The following CDH13 variants were observed in gnomAD, a reference collection of about 807,000 sequenced individuals.
CDH13 encodes the protein cadherin-13.
A neutral mutation model predicts 63.8 loss-of-function variants in CDH13; 24 were observed. The observed-to-expected ratio is 0.38, with a 90% CI of 0.27 to 0.53. The LOEUF is 0.53. CDH13 is among the 20% of genes least tolerant of loss of function. The probability of loss-of-function intolerance (pLI) is 0.85; values close to 1 mark genes in which losing one functional copy is unlikely to be tolerated. For synonymous variants in CDH13, 503 were observed against 355.3 expected, an observed-to-expected ratio of 1.42 and a Z score of -4.67; for missense variants, 1,049 against 903.1, an observed-to-expected ratio of 1.16 and a Z score of -2.07.
chr16:83,624,409 T>A (rs1910094699), intron 8 of CDH13, among the ~76,000 whole-genome samples: 4 of 150,018 alleles, frequency 2.7e-5, no homozygotes, highest in Non-Finnish European at 5.9e-5. Context: ...TAGAACACAA[T>A]TTTTTCACAG....
intron 9 of CDH13, among the ~76,000 whole-genome samples, chr16:83,671,985 A>C (rs1407720116): frequency 6.6e-6 from 1 of 152,188 alleles, no homozygotes; most frequent in Non-Finnish European, 1.5e-5. Flanking sequence ...CAGGACCTTC[A>C]TGGGAACACA....
At chr16:83,042,160 G>C (rs1246023667) in intron 3 of CDH13, among the ~76,000 whole-genome samples, 1 of 152,186 alleles carries the variant, frequency 6.6e-6, no homozygotes, top group Non-Finnish European at 1.5e-5. Context: ...TAAAACAAGA[G>C]TGTCCCCCAC....
intron 1 of CDH13, among the ~76,000 whole-genome samples, chr16:82,713,559 G>A (rs1429693635): frequency 1.3e-5 from 2 of 152,030 alleles, no homozygotes; most frequent in African/African-American, 4.8e-5. Flanking sequence ...TCAAGAGTAC[G>A]GACTCAGAGG....
intron 12 of CDH13, among the ~76,000 whole-genome samples, chr16:83,781,371 T>TA (rs1915510307): frequency 6.6e-6 from 1 of 152,226 alleles, no homozygotes; most frequent in Non-Finnish European, 1.5e-5. Context: ...ATAATATACT[T>TA]ATCCTGCTGT....
intron 6 of CDH13, among the ~76,000 whole-genome samples, chr16:83,427,699 C>A (rs750372712): frequency 6.6e-6 from 1 of 152,136 alleles, no homozygotes; most frequent in Non-Finnish European, 1.5e-5. Flanking sequence ...CCTCCACCCT[C>A]GGCAGGCCTG....
chr16:82,988,300 G>A (rs569119377), intron 2 of CDH13, among the ~76,000 whole-genome samples: 1 of 152,330 alleles, frequency 6.6e-6, no homozygotes, highest in East Asian at 1.9e-4. Flanking sequence ...CATCCAAGGT[G>A]AGGAGACTTG....
intron 7 of CDH13, among the ~76,000 whole-genome samples, chr16:83,558,239 G>C (rs2075639753): frequency 6.6e-6 from 1 of 152,146 alleles, no homozygotes; most frequent in South Asian, 2.1e-4. Context: ...TTGTTTATTG[G>C]GATGTTCGCA....
intron 3 of CDH13, among the ~76,000 whole-genome samples, chr16:83,044,723 A>C (rs1189807239): frequency 2.0e-5 from 3 of 152,364 alleles, no homozygotes; most frequent in Non-Finnish European, 4.4e-5. Flanking sequence ...GAGGACAGTG[A>C]GACTCAGAGG....
chr16:83,429,159 C>G (rs1272972944), intron 6 of CDH13, among the ~76,000 whole-genome samples: 1 of 152,196 alleles, frequency 6.6e-6, no homozygotes, highest in Non-Finnish European at 1.5e-5. Context: ...TTAAGACTTT[C>G]TATAAGACTG....
At chr16:83,078,521 G>A in intron 3 of CDH13, among the ~76,000 whole-genome samples, 1 of 152,314 alleles carries the variant, frequency 6.6e-6, no homozygotes, top group African/African-American at 2.4e-5. Context: ...AAGAGGTGGA[G>A]CTCAGGCAGT....
chr16:83,497,509 T>G lies in CDH13; in HGVS notation c.960+10854T>G, dbSNP rs1370876099. Among the ~76,000 whole-genome samples, 10 of 94,382 alleles carry G rather than the reference T, an allele frequency of 1.1e-4. No individual in the cohort carries two copies. The East Asian group carries it at 1.2e-3, about 11-fold the overall frequency. The allele number at this position is 94,382 out of a possible 152,430, so 61.9% of individuals were successfully genotyped here. A position where few individuals can be genotyped will look rare whatever the true frequency, so the allele number is the denominator to read the frequency against. On this transcript the variant is annotated intron_variant, in intron 7 of 13. Coordinates refer to ENST00000567109, the MANE Select transcript of CDH13 (RefSeq NM_001257.5). ...GGGAATATCACACTCTGGGGACTGT[T>G]GTGGGGTGGGGGGAGGGGGAAGGGA... is the stretch of plus-strand genomic sequence containing the variant.
At chr16:83,193,518 G>C (rs540145227) in intron 4 of CDH13, among the ~76,000 whole-genome samples, 10 of 152,260 alleles carry the variant, frequency 6.6e-5, no homozygotes, top group African/African-American at 1.7e-4. Flanking sequence ...ATAGGATGGG[G>C]AGGTATAAGG....
chr16:83,686,607 A>G (rs1037288628), intron 10 of CDH13, among the ~76,000 whole-genome samples: 10 of 152,216 alleles, frequency 6.6e-5, no homozygotes, highest in African/African-American at 2.4e-4. Context: ...ACGGTGGATA[A>G]ATTATAAGTG....
At chr16:83,321,203 G>A (rs534442177) in intron 5 of CDH13, among the ~76,000 whole-genome samples, 10 of 152,314 alleles carry the variant, frequency 6.6e-5, no homozygotes, top group African/African-American at 2.4e-4. Context: ...TGAAACAATT[G>A]TCTATTATTA....
intron 10 of CDH13, among the ~76,000 whole-genome samples, chr16:83,728,163 C>T (rs902476816): frequency 1.3e-5 from 2 of 152,126 alleles, no homozygotes; most frequent in Non-Finnish European, 2.9e-5. Flanking sequence ...AGCCACACAC[C>T]ACGTCTCTGT....
At position 83,032,160 on chromosome 16, in the gene CDH13, C is replaced by A. The variant is rs199539898; in HGVS notation, c.308C>A (p.Ala103Glu). ...TLFVHARTPH[A>E]EDMAELVIVG... is the part of the protein sequence containing the mutation. ...TTCGTCCATGCACGGACCCCCCATGCGGAAGATATGGCAGAACTCGTGATT... is the reference window on the plus strand; with the variant it reads ...TTCGTCCATGCACGGACCCCCCATGAGGAAGATATGGCAGAACTCGTGATT... Residue 103 changes from alanine to glutamate, a missense_variant, in exon 3 of 14, where the codon GCG becomes GAG. Transcript: ENST00000567109. 272 of 1,613,684 alleles carry A rather than the reference C, an allele frequency of 1.7e-4. No homozygotes were observed. Among genetic ancestry groups the A allele is most frequent in the Non-Finnish European group, 2.2e-4 (256 of 1,179,750 alleles).
intron 10 of CDH13, among the ~76,000 whole-genome samples, chr16:83,715,980 C>G (rs1287231368): frequency 6.6e-6 from 1 of 152,178 alleles, no homozygotes; most frequent in Non-Finnish European, 1.5e-5. Flanking sequence ...TTGTTAAAAT[C>G]TTTCCCCAGT....
Position 82,947,724 on chromosome 16 carries a change from A to G in CDH13, c.158-84286A>G, listed in dbSNP as rs142408304. On this transcript the variant is annotated intron_variant, in intron 2 of 13. Coordinates refer to ENST00000567109, the MANE Select transcript of CDH13 (RefSeq NM_001257.5). ...GTTTGGGAGTAGGGGTGGGAATCCC[A>G]CTACAGTCAAATTATTTTGATGTTA... Among the ~76,000 whole-genome samples, 129 of 152,332 alleles carry G rather than the reference A, an allele frequency of 8.5e-4. 1 individual carries two copies. The highest frequency in any genetic ancestry group is 3.1e-3 in the African/African-American group (129 of 41,586).
intron 4 of CDH13, among the ~76,000 whole-genome samples, chr16:83,152,331 A>T (rs1192949838): frequency 1.3e-5 from 2 of 152,240 alleles, no homozygotes; most frequent in Non-Finnish European, 2.9e-5. Context: ...AATCATTAAA[A>T]ATCTATTCTC....
Sources: allele counts gnomAD v4.1 joint callset (sites outside exome capture counted in the v4.1 genomes callset), GRCh38; gene constraint gnomAD v4.1.1; transcripts MANE v1.5; gene names NCBI Gene and HGNC (gene_info 2026-07-23, HGNC 2026-07-21).